The following PRKN variants were observed in gnomAD, a reference collection of about 807,000 sequenced individuals.
The protein encoded by PRKN is E3 ubiquitin-protein ligase parkin.
A neutral mutation model predicts 59.5 loss-of-function variants in PRKN; 56 were observed. The observed-to-expected ratio is 0.94, with a 90% confidence interval of 0.76 to 1.18. The LOEUF (loss-of-function observed/expected upper bound fraction) is 1.18, where lower values mean the gene tolerates loss of function less well. PRKN is among the 50% of genes most tolerant of loss of function. The probability of loss-of-function intolerance (pLI) is 0.00; values close to 1 mark genes in which losing one functional copy is unlikely to be tolerated. For synonymous variants in PRKN, 250 were observed against 222.1 expected, an observed-to-expected ratio of 1.13 and a Z score of -1.12; for missense variants, 657 against 596.4, an observed-to-expected ratio of 1.10 and a Z score of -1.06.
At chr6:162,254,007 T>C (rs1165453679) in intron 3 of PRKN, among the ~76,000 whole-genome samples, 1 of 152,224 alleles carries the variant, frequency 6.6e-6, no homozygotes, top group Non-Finnish European at 1.5e-5. Context: ...GCTATCGCTC[T>C]AGATTAAAAT....
At chr6:162,226,900 C>T (rs747279104) in intron 3 of PRKN, among the ~76,000 whole-genome samples, 4 of 152,176 alleles carry the variant, frequency 2.6e-5, no homozygotes, top group Non-Finnish European at 5.9e-5. Context: ...TGGCTCCAGT[C>T]CCCTCCTTGG....
chr6:162,341,874 C>A (rs1224527328), intron 2 of PRKN, among the ~76,000 whole-genome samples: 1 of 151,204 alleles, frequency 6.6e-6, no homozygotes, highest in Non-Finnish European at 1.5e-5. Flanking sequence ...CCTGCCTGTT[C>A]TGTACATGTA....
In PRKN at chr6:161,758,469, A is replaced by G. The variant is rs185067287; in HGVS notation, c.871+27303T>C. On this transcript the variant is annotated intron_variant, in intron 7 of 11. Transcript: ENST00000366898. ...TTTTGCTGTATCAAAGAAATCCTAC[A>G]AAAAGAGAGTACATACTCTACGGTA... 3.1e-3 allele frequency among the ~76,000 whole-genome samples: 479 copies of G among 152,326 alleles called. 1 individual carries two copies. Among genetic ancestry groups the G allele is most frequent in the Middle Eastern group, 0.01 (3 of 294 alleles).
At chr6:161,611,976 G>C (rs919827092) in intron 7 of PRKN, among the ~76,000 whole-genome samples, 1 of 152,196 alleles carries the variant, frequency 6.6e-6, no homozygotes, top group African/African-American at 2.4e-5. Flanking sequence ...GAGTGTTCTG[G>C]ATAGGAGATT....
chr6:161,431,769 C>T (rs1044020978), intron 9 of PRKN, among the ~76,000 whole-genome samples: 1 of 152,032 alleles, frequency 6.6e-6, no homozygotes, highest in South Asian at 2.1e-4. Flanking sequence ...CCTGCCACCA[C>T]ACCCCGCTAA....
intron 7 of PRKN, among the ~76,000 whole-genome samples, chr6:161,710,449 C>G (rs1341215767): frequency 6.6e-6 from 1 of 152,162 alleles, no homozygotes; most frequent in Non-Finnish European, 1.5e-5. Context: ...CAAGGAGTAT[C>G]TGTTGTATGT....
At chr6:162,261,639 G>C (rs906316905) in intron 3 of PRKN, among the ~76,000 whole-genome samples, 4 of 151,184 alleles carry the variant, frequency 2.6e-5, no homozygotes, top group African/African-American at 9.7e-5. Context: ...GAGGTGCCCA[G>C]CTCACATGAA....
At position 161,535,348 on chromosome 6, in the gene PRKN, A is replaced by G. The variant is rs537785903; in HGVS notation, c.1083+13506T>C. On this transcript the variant is annotated intron_variant, in intron 9 of 11. Transcript: ENST00000366898. ...AAAAAGATAACCAAGGAAATACTCA[A>G]TTCTGTTAGAAATAAAAAAGAAGTA... Among the ~76,000 whole-genome samples the G allele has an allele frequency of 1.2e-3, 184 of 149,286 alleles. 3 individuals carry two copies. Among genetic ancestry groups the G allele is most frequent in the South Asian group, 6.9e-3 (33 of 4,784 alleles).
intron 1 of PRKN, among the ~76,000 whole-genome samples, chr6:162,661,254 T>G (rs1161804613): frequency 6.6e-6 from 1 of 151,508 alleles, no homozygotes; most frequent in East Asian, 1.9e-4. Flanking sequence ...AGAATGAAAC[T>G]CTGTCTAAAA....
chr6:162,220,670 T>C lies in PRKN; in HGVS notation c.413-19418A>G, dbSNP rs866075800. ...TCAATCAACGAAAAAAAAGTCAAGA[T>C]GCAAGTTCAAGGCAGAGGTCAGGAA... is the stretch of plus-strand genomic sequence containing the variant. On this transcript the variant is annotated intron_variant, in intron 3 of 11. Coordinates refer to ENST00000366898, the MANE Select transcript of PRKN (RefSeq NM_004562.3). Among the ~76,000 whole-genome samples, 88 of 151,982 alleles carry C rather than the reference T, an allele frequency of 5.8e-4. No homozygotes were observed. The Middle Eastern group carries it at 0.017, about 30-fold the overall frequency.
chr6:161,520,162 G>A (rs896157464), intron 9 of PRKN, among the ~76,000 whole-genome samples: 2 of 151,524 alleles, frequency 1.3e-5, no homozygotes, highest in South Asian at 4.2e-4. Context: ...TACATGATGG[G>A]TTGAAACTCT....
At chr6:162,311,743 G>A (rs1477521910) in intron 2 of PRKN, among the ~76,000 whole-genome samples, 1 of 151,878 alleles carries the variant, frequency 6.6e-6, no homozygotes, top group Non-Finnish European at 1.5e-5. Flanking sequence ...CAGTGCTTAG[G>A]GTGAGAAAGC....
At chr6:161,570,263 TCA>T (rs1780839502) in intron 7 of PRKN, among the ~76,000 whole-genome samples, 2 of 145,578 alleles carry the variant, frequency 1.4e-5, no homozygotes, top group South Asian at 4.2e-4. Flanking sequence ...TTTATATAAC[TCA>T]CATATATAAA....
chr6:162,146,832 GT>G (rs1017096707), intron 4 of PRKN, among the ~76,000 whole-genome samples: 2 of 151,894 alleles, frequency 1.3e-5, no homozygotes, highest in African/African-American at 4.8e-5. Context: ...CTGGGCTCAA[GT>G]GATTCTCTTG....
intron 5 of PRKN, among the ~76,000 whole-genome samples, chr6:161,992,462 T>A (rs6455788): frequency 0.62 from 94,984 of 152,122 alleles, 32,007 homozygotes; most frequent in African/African-American, 0.88. Flanking sequence ...ATATATTTTT[T>A]AAAAAATTAT....
intron 5 of PRKN, among the ~76,000 whole-genome samples, chr6:161,985,533 T>A (rs540343710): frequency 1.3e-5 from 2 of 152,324 alleles, no homozygotes; most frequent in South Asian, 2.1e-4. Flanking sequence ...AAATTCCTTA[T>A]GACTCACCAT....
intron 1 of PRKN, among the ~76,000 whole-genome samples, chr6:162,453,981 A>C (rs1790746650): frequency 6.6e-6 from 1 of 152,208 alleles, no homozygotes; most frequent in Non-Finnish European, 1.5e-5. Flanking sequence ...AGAAAGGAGA[A>C]GAAAGACTGG....
chr6:161,737,795 A>T (rs968817508), intron 7 of PRKN, among the ~76,000 whole-genome samples: 1 of 152,190 alleles, frequency 6.6e-6, no homozygotes, highest in African/African-American at 2.4e-5. Context: ...TCAAAAAGCA[A>T]TCGCTGTTCA....
chr6:162,672,220 C>T lies in PRKN; in HGVS notation c.7+55442G>A, dbSNP rs529876069. Among the ~76,000 whole-genome samples the T allele has an allele frequency of 8.3e-4, 127 of 152,196 alleles. 2 individuals are homozygous for T. In the South Asian group the frequency reaches 0.018, roughly 21 times the overall value. ...TGTCTTATTGGTCAGAAAAATATGA[C>T]TTAAAAATATAACAATTTTTTGAAC... On this transcript the variant is annotated intron_variant, in intron 1 of 11. Coordinates refer to ENST00000366898, the MANE Select transcript of PRKN (RefSeq NM_004562.3).
Sources: gnomAD v4.1 joint callset for allele counts (sites outside exome capture counted in the v4.1 genomes callset) on GRCh38, gnomAD v4.1.1 for gene constraint, MANE v1.5 for transcripts, NCBI Gene and HGNC (gene_info 2026-07-23, HGNC 2026-07-21) for gene names.